TTYH2: variants seen among roughly 807,000 people sequenced by gnomAD.
The protein encoded by TTYH2 is tweety family member 2, also known as protein tweety homolog 2.
Under a neutral mutation model 68.3 loss-of-function variants are expected in TTYH2, and 49 were observed. The observed-to-expected ratio is 0.72, with a 90% CI of 0.57 to 0.91. TTYH2 has a LOEUF of 0.91. Ranked by LOEUF, TTYH2 falls within the 40% of genes least tolerant of loss-of-function variation. The probability of loss-of-function intolerance (pLI) is 0.00; values close to 1 mark genes in which losing one functional copy is unlikely to be tolerated. For missense variants in TTYH2, 631 were observed against 700.4 expected (o/e 0.90, Z 1.12); for synonymous variants, 272 against 300.8 (o/e 0.90, Z 0.99).
Position 74,222,777 on chromosome 17 carries a change from G to T in TTYH2, c.302+120G>T. On this transcript the variant is annotated intron_variant, in intron 2 of 13. Transcript: ENST00000269346. This position sits in a 1 kb window ranked among gnomAD's most constrained non-coding sequence, Gnocchi z 5.2. ...TTGATGGAAAAGCTTGTCCCCAGAT[G>T]AATGTTGTCCCTTTTTTTTTTTTTA... 2 of 1,193,400 alleles carry T rather than the reference G, an allele frequency of 1.7e-6. No individual in the cohort carries two copies. Among genetic ancestry groups the T allele is most frequent in the Non-Finnish European group, 2.2e-6 (2 of 889,272 alleles). The allele number at this position is 1,193,400 out of a possible 1,614,324, so 73.9% of individuals were successfully genotyped here. A position where few individuals can be genotyped will look rare whatever the true frequency, so the allele number is the denominator to read the frequency against.
At chr17:74,245,141 T>TCTG (rs1291566045) in intron 6 of TTYH2, among the ~76,000 whole-genome samples, 2 of 152,190 alleles carry the variant, frequency 1.3e-5, no homozygotes, top group African/African-American at 4.8e-5. Flanking sequence ...CCTCAGGGAC[T>TCTG]CTGGCACTGC....
At chr17:74,254,015 G>T (rs1159605404) in intron 13 of TTYH2, among the ~76,000 whole-genome samples, 182 bp downstream of exon 13, 2 of 152,154 alleles carry the variant, frequency 1.3e-5, no homozygotes, top group Non-Finnish European at 2.9e-5. Flanking sequence ...AAAGATGCAA[G>T]AAATCTCACT....
Position 74,249,944 on chromosome 17 carries a change from C to T in TTYH2, c.939C>T (p.Thr313=). Reference sequence around the variant, plus strand: ...TGTCTTTCCTGGCTCAGACCCTGACCACCTTCCAGCGCGCACTTACCACCA... The same window carrying T: ...TGTCTTTCCTGGCTCAGACCCTGACTACCTTCCAGCGCGCACTTACCACCA... ...SGSSPFQQTL[T]TFQRALTTMQ... is the part of the protein sequence containing the mutation. The change falls in exon 9 of 14, where the codon ACC becomes ACT. Residue 313 remains threonine, a synonymous_variant. Transcript: ENST00000269346. 1 of 1,613,900 alleles carries T rather than the reference C, an allele frequency of 6.2e-7. No homozygotes were observed. The highest frequency in any genetic ancestry group is 8.5e-7 in the Non-Finnish European group (1 of 1,179,946).
At chr17:74,249,475 G>A in intron 8 of TTYH2, 76 bp downstream of exon 8, 1 of 1,505,054 alleles carries the variant, frequency 6.6e-7, no homozygotes, top group South Asian at 1.1e-5. Flanking sequence ...CACTGACCAA[G>A]ATGGCGGAGG....
chr17:74,242,449 A>G (rs1973159), intron 4 of TTYH2, among the ~76,000 whole-genome samples: 4 of 152,082 alleles, frequency 2.6e-5, no homozygotes, highest in South Asian at 2.1e-4. Flanking sequence ...CTGGAGTGCA[A>G]TGGCGCCATC....
At chr17:74,240,225 G>A (rs146562484) in intron 4 of TTYH2, among the ~76,000 whole-genome samples, 6 of 152,246 alleles carry the variant, frequency 3.9e-5, no homozygotes, top group African/African-American at 1.4e-4. Flanking sequence ...GATCACCTGA[G>A]GCCAGTAATT....
At chr17:74,243,241 T>C in intron 4 of TTYH2, 133 bp from the exon 5 acceptor site, 4 of 733,762 alleles carry the variant, frequency 5.5e-6, no homozygotes, top group Non-Finnish European at 9.4e-6. Context: ...TGCTGGGTGC[T>C]TGCTGGCTCT....
At chr17:74,252,941 A>T in intron 11 of TTYH2, 140 bp from the exon 12 acceptor site, 1 of 806,378 alleles carries the variant, frequency 1.2e-6, no homozygotes, top group Non-Finnish European at 2.0e-6. Context: ...CAGGCTGGGG[A>T]CCGCGTTTTA....
At chr17:74,246,823 T>C (rs2050562881) in intron 6 of TTYH2, among the ~76,000 whole-genome samples, 1 of 152,072 alleles carries the variant, frequency 6.6e-6, no homozygotes. Flanking sequence ...GAGGAGCAAG[T>C]CACGTCTTAC....
chr17:74,228,705 C>T (rs570746326), intron 2 of TTYH2, among the ~76,000 whole-genome samples: 186 of 143,570 alleles, frequency 1.3e-3, no homozygotes, highest in African/African-American at 4.5e-3. Flanking sequence ...CAGTGGGGGG[C>T]GGGGGGAACC....
At chr17:74,225,559 G>T (rs1011324376) in intron 2 of TTYH2, among the ~76,000 whole-genome samples, 5 of 152,204 alleles carry the variant, frequency 3.3e-5, no homozygotes, top group Admixed American at 6.5e-5. Flanking sequence ...GGTGACCGAA[G>T]AGCTCAGAGG....
rs1238567171 is a variant in TTYH2, at chr17:74,243,912, G to A, written c.732-65G>A. 3.3e-6 allele frequency: 5 copies of A among 1,515,774 alleles called. No homozygotes were observed. The East Asian group carries it at 6.8e-5, about 21-fold the overall frequency. The allele number at this position is 1,515,774 out of a possible 1,614,324, so 93.9% of individuals were successfully genotyped here. A position where few individuals can be genotyped will look rare whatever the true frequency, so the allele number is the denominator to read the frequency against. Reference sequence around the variant, plus strand: ...ATTGCAAGGGTCTGGGGGCAGGGTGGGTGGGGTGATGGCTGAGAGGAAGGG... The same window carrying A: ...ATTGCAAGGGTCTGGGGGCAGGGTGAGTGGGGTGATGGCTGAGAGGAAGGG... On this transcript the variant is annotated intron_variant, in intron 5 of 13. Coordinates refer to ENST00000269346, the MANE Select transcript of TTYH2 (RefSeq NM_032646.6).
chr17:74,243,618 A>G (rs2050524724), intron 5 of TTYH2, 149 bp downstream of exon 5: 4 of 767,786 alleles, frequency 5.2e-6, no homozygotes, highest in Non-Finnish European at 6.5e-6. Flanking sequence ...CACTCAGCAG[A>G]GGAGACAGAC....
At chr17:74,253,913 C>G (rs770322139) in intron 13 of TTYH2, 80 bp downstream of exon 13, 8 of 1,429,266 alleles carry the variant, frequency 5.6e-6, no homozygotes, top group Non-Finnish European at 5.9e-6. Context: ...ATCCTGTCCA[C>G]AAAGGCAGAA....
intron 2 of TTYH2, among the ~76,000 whole-genome samples, chr17:74,224,069 G>T (rs767474202): frequency 6.6e-6 from 1 of 152,196 alleles, no homozygotes; most frequent in South Asian, 2.1e-4. Flanking sequence ...AGTCGAGTGC[G>T]GTTCCCAGTA....
chr17:74,254,636 A>G (rs1178246606), intron 13 of TTYH2, among the ~76,000 whole-genome samples: 1 of 152,250 alleles, frequency 6.6e-6, no homozygotes, highest in Non-Finnish European at 1.5e-5. Flanking sequence ...TGAAAAAACC[A>G]TACCTGGATT....
chr17:74,224,581 A>G (rs1212011353), intron 2 of TTYH2, among the ~76,000 whole-genome samples: 1 of 152,224 alleles, frequency 6.6e-6, no homozygotes, highest in African/African-American at 2.4e-5. Context: ...ATCCCACAAC[A>G]TTCTGGGCGT....
In TTYH2 at chr17:74,253,684, C is replaced by T. The variant is rs115871179; in HGVS notation, c.1446-71C>T. 3.5e-3 allele frequency: 5,240 copies of T among 1,499,760 alleles called. 165 individuals are homozygous for T. The African/African-American group carries it at 0.063, about 18-fold the overall frequency. The allele number at this position is 1,499,760 out of a possible 1,614,324, so 92.9% of individuals were successfully genotyped here. The stretch of plus-strand genomic sequence containing the variant: ...CTCCCATGTGCTCACCCATGGGACC[C>T]TCCTGTAGAAATCTACACACACCCC... On this transcript the variant is annotated intron_variant, in intron 12 of 13. Transcript: ENST00000269346.
rs533708837 is a variant in TTYH2 at position 74,260,656 on chromosome 17, G to A, written c.*447G>A. 25 of 196,608 alleles carry A rather than the reference G, an allele frequency of 1.3e-4. No individual in the cohort carries two copies. In the East Asian group the frequency reaches 2.8e-3, roughly 22 times the overall value. The allele number at this position is 196,608 out of a possible 1,614,324, so 12.2% of individuals were successfully genotyped here. A position where few individuals can be genotyped will look rare whatever the true frequency, so the allele number is the denominator to read the frequency against. On this transcript the variant is annotated 3_prime_UTR_variant, in exon 14 of 14. Transcript: ENST00000269346. Reference sequence around the variant, plus strand: ...GACGACCCCTCTGTCCTCGTTCCCTGTCCTCGTTCCCTGCAGGTAACATGA... The same window carrying A: ...GACGACCCCTCTGTCCTCGTTCCCTATCCTCGTTCCCTGCAGGTAACATGA...
Sources: allele counts gnomAD v4.1 joint callset (sites outside exome capture counted in the v4.1 genomes callset), GRCh38; gene constraint gnomAD v4.1.1; non-coding constraint Gnocchi (gnomAD v3.1); transcripts MANE v1.5; gene names NCBI Gene and HGNC (gene_info 2026-07-23, HGNC 2026-07-21).